Variants in TSPEAR observed in about 807,000 individuals in gnomAD.
TSPEAR encodes thrombospondin-type laminin G domain and EAR repeat-containing protein.
A neutral mutation model predicts 71.6 loss-of-function variants in TSPEAR; 69 were observed. That is an observed-to-expected ratio of 0.96 (90% CI 0.79 to 1.18). The LOEUF (loss-of-function observed/expected upper bound fraction) is 1.18. Among genes scored for constraint, TSPEAR ranks in the 50% most tolerant of loss-of-function variants. TSPEAR has a pLI of 0.00. For synonymous variants in TSPEAR, 402 were observed against 387.2 expected (o/e 1.04, Z -0.45); for missense variants, 971 against 894.9 (o/e 1.09, Z -1.09).
Position 44,711,364 on chromosome 21 carries a change from T to G in TSPEAR, c.82+69A>C, listed in dbSNP as rs1988211252. ...TGAATCAGTGTTAGAAAGTGGCATT[T>G]GTGACTCGACACCCCTCCCAGCTCC... On this transcript the variant is annotated intron_variant, in intron 1 of 11. Transcript: ENST00000323084. The surrounding 1 kb of genome is among the most constrained non-coding windows in gnomAD (Gnocchi z 4.5). 65 of 1,422,364 alleles carry G rather than the reference T, an allele frequency of 4.6e-5. 1 individual carries two copies. In the South Asian group the frequency reaches 7.2e-4, roughly 16 times the overall value. The allele number at this position is 1,422,364 out of a possible 1,614,324, so 88.1% of individuals were successfully genotyped here.
chr21:44,500,175 G>T (rs1193799977), intron 11 of TSPEAR, among the ~76,000 whole-genome samples: 1 of 152,216 alleles, frequency 6.6e-6, no homozygotes, highest in Non-Finnish European at 1.5e-5. Flanking sequence ...CAAGATCCCA[G>T]CGCTACCTCC....
intron 1 of TSPEAR, chr21:44,698,145 C>G (rs1012791505): frequency 1.5e-6 from 1 of 649,170 alleles, no homozygotes; most frequent in South Asian, 2.0e-5. Context: ...CACCCACTCC[C>G]CCGGCTCTTC....
At chr21:44,649,085 C>A (rs1555940872) in intron 1 of TSPEAR, among the ~76,000 whole-genome samples, 1 of 152,226 alleles carries the variant, frequency 6.6e-6, no homozygotes, top group East Asian at 1.9e-4. Context: ...CCCGTGAAAC[C>A]ACAGGAAACC....
At chr21:44,574,417 C>A (rs1555923367) in intron 1 of TSPEAR, 5 of 1,603,622 alleles carry the variant, frequency 3.1e-6, no homozygotes, top group East Asian at 4.6e-5. Flanking sequence ...GCTTGCTGCA[C>A]CTCCTCCTCC....
At chr21:44,655,742 T>C (rs1985107929) in intron 1 of TSPEAR, among the ~76,000 whole-genome samples, 1 of 152,132 alleles carries the variant, frequency 6.6e-6, no homozygotes, top group Non-Finnish European at 1.5e-5. Flanking sequence ...GTTCTCTTGA[T>C]GGATTGGCCA....
chr21:44,704,362 C>A (rs547217276), intron 1 of TSPEAR, among the ~76,000 whole-genome samples: 1 of 152,250 alleles, frequency 6.6e-6, no homozygotes, highest in African/African-American at 2.4e-5. Context: ...TCAGTCCAGA[C>A]TTTACCCCCT....
At chr21:44,559,909 A>T (rs1439446888) in intron 2 of TSPEAR, among the ~76,000 whole-genome samples, 2 of 152,224 alleles carry the variant, frequency 1.3e-5, no homozygotes, top group Non-Finnish European at 2.9e-5. Flanking sequence ...GGGGGCCCAT[A>T]GGCTGCAGGG....
rs373065978 is a variant in TSPEAR at position 44,666,662 on chromosome 21, G to A, written c.82+44771C>T. On this transcript the variant is annotated intron_variant, in intron 1 of 11. Coordinates refer to ENST00000323084, the MANE Select transcript of TSPEAR (RefSeq NM_144991.3). The stretch of plus-strand genomic sequence containing the variant: ...CAGAAGACTGGCAGCTCACGGGCAC[G>A]CACACAGCTGACTTGAAGCTCATGG... 289 of 1,612,504 alleles carry A rather than the reference G, an allele frequency of 1.8e-4. 1 individual carries two copies. Among genetic ancestry groups the A allele is most frequent in the Non-Finnish European group, 1.0e-4 (122 of 1,179,150 alleles).
At chr21:44,573,693 C>T in intron 1 of TSPEAR, 1 of 1,573,778 alleles carries the variant, frequency 6.4e-7, no homozygotes, top group Non-Finnish European at 8.6e-7. Context: ...CCGAGCACCT[C>T]ACTCACTCGC....
intron 1 of TSPEAR, chr21:44,666,948 G>C: frequency 1.3e-6 from 2 of 1,556,166 alleles, no homozygotes; most frequent in Non-Finnish European, 1.7e-6. Flanking sequence ...CGGCCTCCCT[G>C]GGCAGCCTTT....
At chr21:44,637,016 C>T (rs1371094213) in intron 1 of TSPEAR, among the ~76,000 whole-genome samples, 1 of 152,228 alleles carries the variant, frequency 6.6e-6, no homozygotes, top group Non-Finnish European at 1.5e-5. Flanking sequence ...CCGTGAGGTC[C>T]CTGCAGACAG....
chr21:44,513,456 C>G (rs1555912976), intron 9 of TSPEAR, among the ~76,000 whole-genome samples: 1 of 152,234 alleles, frequency 6.6e-6, no homozygotes, highest in Non-Finnish European at 1.5e-5. Context: ...CTGCCAAACC[C>G]TGGCTGGCAC....
intron 1 of TSPEAR, among the ~76,000 whole-genome samples, chr21:44,680,977 T>C (rs1456196124): frequency 6.6e-6 from 1 of 152,186 alleles, no homozygotes; most frequent in East Asian, 1.9e-4. Flanking sequence ...AACAATGTAT[T>C]GTATGTCTCA....
intron 2 of TSPEAR, among the ~76,000 whole-genome samples, chr21:44,552,310 G>T (rs1202344182): frequency 6.6e-6 from 1 of 152,136 alleles, no homozygotes; most frequent in Non-Finnish European, 1.5e-5. Context: ...GACAGGCCCT[G>T]ACCCCGGGGC....
intron 1 of TSPEAR, chr21:44,628,236 T>C: frequency 1.6e-6 from 1 of 642,744 alleles, no homozygotes; most frequent in Non-Finnish European, 2.6e-6. Flanking sequence ...AGGCGAGCCC[T>C]GGCTTCTCCT....
intron 1 of TSPEAR, among the ~76,000 whole-genome samples, chr21:44,604,526 C>T (rs1384598862): frequency 1.3e-5 from 2 of 152,126 alleles, no homozygotes; most frequent in African/African-American, 4.8e-5. Flanking sequence ...TATAAGATCA[C>T]ATCATCAGCA....
chr21:44,504,850 C>T lies in TSPEAR; in HGVS notation c.1786G>A (p.Glu596Lys), dbSNP rs782790512. 15 of 1,613,624 alleles carry T rather than the reference C, an allele frequency of 9.3e-6. No homozygotes were observed. The Admixed American group carries it at 2.0e-4, about 22-fold the overall frequency. The change falls in exon 11 of 12, where the codon GAA (glutamate) becomes AAA (lysine). Residue 596 changes from glutamate to lysine, a missense_variant. Glu to Lys is a moderately conservative substitution (Grantham distance 56). Transcript: ENST00000323084. Reference sequence around the variant, plus strand: ...TTGGCCACCACCAGGAAATAATCTTCTCCCACCGAGAAAAACTCCCAGTCC... The same window carrying T: ...TTGGCCACCACCAGGAAATAATCTTTTCCCACCGAGAAAAACTCCCAGTCC... Reference protein sequence around the residue: ...ALDWEFFSVGEDYFLVVANSF... With the variant: ...ALDWEFFSVGKDYFLVVANSF...
In TSPEAR at chr21:44,646,467, G is replaced by C. The variant is rs782341003; in HGVS notation, c.82+64966C>G. ...CTCCTCCCCACCCCAGCATGGCCGC[G>C]TCCACCATGTCTGTCTGCTCCAGCG... is the stretch of plus-strand genomic sequence containing the variant. On this transcript the variant is annotated intron_variant, in intron 1 of 11. Transcript: ENST00000323084. The C allele has an allele frequency of 3.1e-6, 5 of 1,607,326 alleles. No individual in the cohort carries two copies. The East Asian group carries it at 8.9e-5, about 29-fold the overall frequency.
At chr21:44,528,395 T>A in intron 6 of TSPEAR, 57 bp downstream of exon 6, 1 of 1,608,042 alleles carries the variant, frequency 6.2e-7, no homozygotes, top group East Asian at 2.2e-5. Context: ...CCACTCCCAG[T>A]CACACTGTGC....
Sources: allele counts gnomAD v4.1 joint callset (sites outside exome capture counted in the v4.1 genomes callset), GRCh38; gene constraint gnomAD v4.1.1; non-coding constraint Gnocchi (gnomAD v3.1); transcripts MANE v1.5; gene names NCBI Gene and HGNC (gene_info 2026-07-23, HGNC 2026-07-21).